The following ETS1 variants were observed in gnomAD, a reference collection of about 807,000 sequenced individuals.
ETS1 encodes protein C-ets-1.
Under a neutral mutation model 58.6 loss-of-function variants are expected in ETS1, and 15 were observed. That is an observed-to-expected ratio of 0.26 (90% CI 0.17 to 0.39). ETS1 has a LOEUF of 0.39. ETS1 is among the 10% of genes least tolerant of loss of function. The pLI is 1.00. For synonymous variants in ETS1, 214 were observed against 218.2 expected (o/e 0.98, Z 0.17); for missense variants, 417 against 610.5 (o/e 0.68, Z 3.34).
intron 3 of ETS1, among the ~76,000 whole-genome samples, chr11:128,521,104 G>A (rs570173326): frequency 8.0e-5 from 12 of 150,730 alleles, no homozygotes; most frequent in Admixed American, 5.9e-4. Flanking sequence ...ACTCTCTTAA[G>A]TTGCTTAGCA....
At chr11:128,493,137 T>C (rs1030500877) in intron 3 of ETS1, among the ~76,000 whole-genome samples, 2 of 152,204 alleles carry the variant, frequency 1.3e-5, no homozygotes, top group Non-Finnish European at 2.9e-5. Flanking sequence ...GGTTCTGCTG[T>C]AGCGGGAACT....
intron 5 of ETS1, 106 bp downstream of exon 5, chr11:128,489,184 A>C (rs1018837063): frequency 2.2e-6 from 2 of 892,226 alleles, no homozygotes; most frequent in African/African-American, 3.3e-5. Context: ...CTACAGTAGG[A>C]CACCCACAGA....
intron 3 of ETS1, among the ~76,000 whole-genome samples, chr11:128,513,687 G>T (rs1312779092): frequency 6.6e-6 from 1 of 152,196 alleles, no homozygotes. Flanking sequence ...GGTACTAGAA[G>T]TACAAAAGTC....
chr11:128,468,142 C>T (rs1433620825), intron 8 of ETS1, among the ~76,000 whole-genome samples: 1 of 152,196 alleles, frequency 6.6e-6, no homozygotes, highest in African/African-American at 2.4e-5. Context: ...GCAAATCACA[C>T]CAAGGATGTT....
At chr11:128,541,726 GT>G (rs1354724693) in intron 3 of ETS1, among the ~76,000 whole-genome samples, 1 of 152,116 alleles carries the variant, frequency 6.6e-6, no homozygotes, top group Non-Finnish European at 1.5e-5. Flanking sequence ...CCTTAACTGA[GT>G]GTCCGTGGCA....
At chr11:128,511,387 A>G (rs1209777234) in intron 3 of ETS1, among the ~76,000 whole-genome samples, 1 of 152,192 alleles carries the variant, frequency 6.6e-6, no homozygotes, top group Non-Finnish European at 1.5e-5. Context: ...CTGTCTAGTA[A>G]CCTATAGGAT....
chr11:128,500,973 T>C lies in ETS1; in HGVS notation c.215-10397A>G, dbSNP rs558462684. On this transcript the variant is annotated intron_variant, in intron 3 of 9. Transcript: ENST00000392668. ...AGCCAAAATGATTATTTAAAAATGATTAGACACAACGAGTTTAAATCTGCC... is the reference window on the plus strand; with the variant it reads ...AGCCAAAATGATTATTTAAAAATGACTAGACACAACGAGTTTAAATCTGCC... 2.1e-4 allele frequency among the ~76,000 whole-genome samples: 32 copies of C among 152,366 alleles called. No homozygotes were observed. In the South Asian group the frequency reaches 4.6e-3, roughly 22 times the overall value.
In ETS1 at chr11:128,478,437, G is replaced by A. The variant is rs1452744950; in HGVS notation, c.1123+1754C>T. Among the ~76,000 whole-genome samples, 7 of 119,152 alleles carry A rather than the reference G, an allele frequency of 5.9e-5. 1 individual carries two copies. The highest frequency in any genetic ancestry group is 2.5e-4 in the African/African-American group (7 of 28,568). 78.2% of individuals were successfully genotyped at this position (119,152 alleles called of 152,430 possible). ...GGGAAGGAAAGAAGGAAAGGAGGTA[G>A]GGAGGGAGAGAGGGAGGGAGGAAGG... On this transcript the variant is annotated intron_variant, in intron 8 of 9. Coordinates refer to ENST00000392668, the MANE Select transcript of ETS1 (RefSeq NM_001143820.2).
intron 2 of ETS1, among the ~76,000 whole-genome samples, chr11:128,565,489 C>T (rs947100278): frequency 6.6e-6 from 1 of 152,050 alleles, no homozygotes; most frequent in Non-Finnish European, 1.5e-5. Context: ...TAACAAAATA[C>T]CTGAGGAAAC....
At chr11:128,501,490 G>T (rs530754540) in intron 3 of ETS1, among the ~76,000 whole-genome samples, 1 of 152,212 alleles carries the variant, frequency 6.6e-6, no homozygotes, top group African/African-American at 2.4e-5. Flanking sequence ...ACTTTGTTTC[G>T]ATCCATGTTT....
intron 3 of ETS1, among the ~76,000 whole-genome samples, chr11:128,507,921 G>A (rs1863286298): frequency 6.6e-6 from 1 of 152,182 alleles, no homozygotes; most frequent in South Asian, 2.1e-4. Context: ...GGGCAAAGAG[G>A]ACAGTACTTC....
At chr11:128,533,053 C>T (rs1383576458) in intron 3 of ETS1, among the ~76,000 whole-genome samples, 2 of 152,208 alleles carry the variant, frequency 1.3e-5, no homozygotes, top group Non-Finnish European at 2.9e-5. Context: ...GCCCCGCTCC[C>T]ATCGCCAATT....
At chr11:128,551,091 C>T (rs1452329941) in intron 3 of ETS1, among the ~76,000 whole-genome samples, 2 of 151,600 alleles carry the variant, frequency 1.3e-5, no homozygotes, top group African/African-American at 2.4e-5. Flanking sequence ...CTGACACACA[C>T]CCTTTAGAAA....
intron 2 of ETS1, among the ~76,000 whole-genome samples, chr11:128,570,677 CATT>C: frequency 6.6e-6 from 1 of 152,260 alleles, no homozygotes; most frequent in Non-Finnish European, 1.5e-5. Context: ...ATCACAATAT[CATT>C]ATTTATTTTA....
At chr11:128,483,668 G>A (rs1268184597) in intron 7 of ETS1, among the ~76,000 whole-genome samples, 1 of 152,212 alleles carries the variant, frequency 6.6e-6, no homozygotes. Context: ...GCTTGTTGGT[G>A]ATCCCTAGGC....
chr11:128,471,400 C>G (rs1862184372), intron 8 of ETS1, among the ~76,000 whole-genome samples: 1 of 152,198 alleles, frequency 6.6e-6, no homozygotes, highest in Non-Finnish European at 1.5e-5. Context: ...TGCAAGTGCT[C>G]AAGTACACAT....
chr11:128,487,556 C>T (rs973812543), intron 5 of ETS1, among the ~76,000 whole-genome samples: 5 of 152,018 alleles, frequency 3.3e-5, no homozygotes, highest in South Asian at 2.1e-4. Context: ...CTGGCCAACA[C>T]GGTGAAGCCC....
In ETS1 at chr11:128,585,225, A is replaced by AGAAAGAAAGAAAGAAG. The variant is rs1865003198; in HGVS notation, c.-15+2262_-15+2263insCTTCTTTCTTTCTTTC. On this transcript the variant is annotated intron_variant, in intron 1 of 9. Transcript: ENST00000392668. ...AAGAAAGAAAGAAAGAAAGAAAGAAAGAAAGAAAGAAAGAAAGAAAAAGAA... is the reference window on the plus strand; with the variant it reads ...AAGAAAGAAAGAAAGAAAGAAAGAAAGAAAGAAAGAAAGAAGGAAAGAAAGAAAGAAAGAAAAAGAA... 9.5e-5 allele frequency among the ~76,000 whole-genome samples: 6 copies of AGAAAGAAAGAAAGAAG among 62,934 alleles called. 3 individuals are homozygous for AGAAAGAAAGAAAGAAG. In the East Asian group the frequency reaches 4.3e-3, roughly 45 times the overall value. 41.3% of individuals were successfully genotyped at this position (62,934 alleles called of 152,430 possible). A position where few individuals can be genotyped will look rare whatever the true frequency, so the allele number is the denominator to read the frequency against.
At chr11:128,584,970 GAA>G (rs1864947702) in intron 1 of ETS1, among the ~76,000 whole-genome samples, 1 of 24,104 alleles carries the variant, frequency 4.1e-5, no homozygotes. Flanking sequence ...AAGAAAGAAA[GAA>G]AGAAAGAAAG....
Sources: gnomAD v4.1 joint callset for allele counts (sites outside exome capture counted in the v4.1 genomes callset) on GRCh38, gnomAD v4.1.1 for gene constraint, MANE v1.5 for transcripts, NCBI Gene and HGNC (gene_info 2026-07-23, HGNC 2026-07-21) for gene names.